The following C8orf34 variants were observed in gnomAD, a reference collection of about 807,000 sequenced individuals.
C8orf34 encodes the protein chromosome 8 open reading frame 34.
Under a neutral mutation model 68.3 loss-of-function variants are expected in C8orf34, and 65 were observed. The ratio of observed to expected loss-of-function variants is 0.95; its 90% CI spans 0.78 to 1.17. The LOEUF is 1.17. Ranked by LOEUF, C8orf34 falls within the 50% of genes most tolerant of loss-of-function variation. The pLI, the probability that C8orf34 is intolerant of heterozygous loss-of-function variation, is 0.00. For missense variants in C8orf34, 664 were observed against 655.4 expected (o/e 1.01, Z -0.14); for synonymous variants, 244 against 241.2 (o/e 1.01, Z -0.11).
chr8:68,678,302 C>G (rs895296545), intron 8 of C8orf34, among the ~76,000 whole-genome samples: 1 of 152,098 alleles, frequency 6.6e-6, no homozygotes, highest in Admixed American at 6.5e-5. Flanking sequence ...CAACTATACA[C>G]CAATATCTCT....
chr8:68,655,724 A>AATAGGT (rs1819492835), intron 8 of C8orf34, among the ~76,000 whole-genome samples: 2 of 152,260 alleles, frequency 1.3e-5, no homozygotes, highest in East Asian at 3.9e-4. Flanking sequence ...ACGATGGGTT[A>AATAGGT]ATAGGTATGT....
chr8:68,722,096 A>G (rs1821693724), intron 10 of C8orf34, among the ~76,000 whole-genome samples: 1 of 152,074 alleles, frequency 6.6e-6, no homozygotes, highest in African/African-American at 2.4e-5. Context: ...TAAATAACAA[A>G]AAGTTATTTT....
chr8:68,769,502 A>G (rs557753552), intron 10 of C8orf34, among the ~76,000 whole-genome samples: 1 of 152,198 alleles, frequency 6.6e-6, no homozygotes, highest in African/African-American at 2.4e-5. Context: ...ATAAAAATAT[A>G]CTTATTCATG....
chr8:68,387,679 A>G (rs59395496), intron 1 of C8orf34, among the ~76,000 whole-genome samples: 2 of 152,062 alleles, frequency 1.3e-5, no homozygotes, highest in African/African-American at 4.8e-5. Context: ...TGAAAAAAAG[A>G]AAAAAACCTC....
chr8:68,520,483 C>G (rs1303759254), intron 5 of C8orf34, among the ~76,000 whole-genome samples: 1 of 152,124 alleles, frequency 6.6e-6, no homozygotes, highest in Non-Finnish European at 1.5e-5. Context: ...CGCAGTCTTG[C>G]TCTGTTGCCC....
intron 8 of C8orf34, among the ~76,000 whole-genome samples, chr8:68,692,206 G>A (rs901430297): frequency 2.6e-5 from 4 of 151,990 alleles, no homozygotes; most frequent in African/African-American, 9.7e-5. Flanking sequence ...GGAACTACAA[G>A]GAGGCAGAGA....
chr8:68,728,640 C>G (rs1013157893), intron 10 of C8orf34, among the ~76,000 whole-genome samples: 2 of 152,150 alleles, frequency 1.3e-5, no homozygotes, highest in Non-Finnish European at 2.9e-5. Flanking sequence ...CTCTGATAAA[C>G]CCATCAGATC....
At chr8:68,676,464 C>T (rs10087916) in intron 8 of C8orf34, among the ~76,000 whole-genome samples, 156 of 152,178 alleles carry the variant, frequency 1.0e-3, no homozygotes, top group African/African-American at 3.6e-3. Context: ...CAGCATTGCA[C>T]AGATCATTCA....
intron 7 of C8orf34, among the ~76,000 whole-genome samples, chr8:68,606,344 AC>A (rs1443679684): frequency 6.6e-6 from 1 of 152,170 alleles, no homozygotes; most frequent in Admixed American, 6.6e-5. Flanking sequence ...AATGTATCCA[AC>A]AAATATTTGT....
chr8:68,656,872 C>G (rs1819524641), intron 8 of C8orf34, among the ~76,000 whole-genome samples: 1 of 152,124 alleles, frequency 6.6e-6, no homozygotes, highest in Admixed American at 6.6e-5. Context: ...TATAATTTAT[C>G]CAGTCAACAT....
chr8:68,595,669 T>A (rs1817527565), intron 7 of C8orf34, among the ~76,000 whole-genome samples: 1 of 152,088 alleles, frequency 6.6e-6, no homozygotes, highest in Admixed American at 6.6e-5. Flanking sequence ...AAATATTGGC[T>A]CCATTTTTTA....
chr8:68,372,318 A>C (rs1378955278), intron 1 of C8orf34, among the ~76,000 whole-genome samples: 1 of 152,208 alleles, frequency 6.6e-6, no homozygotes. Context: ...AACTTCAGGA[A>C]GCAGCTACCC....
chr8:68,693,422 C>A (rs1820739339), intron 8 of C8orf34, among the ~76,000 whole-genome samples: 1 of 152,064 alleles, frequency 6.6e-6, no homozygotes, highest in African/African-American at 2.4e-5. Context: ...GGGACAATTT[C>A]TTTACCTTCC....
At chr8:68,355,181 T>G (rs544497620) in intron 1 of C8orf34, among the ~76,000 whole-genome samples, 1 of 152,246 alleles carries the variant, frequency 6.6e-6, no homozygotes, top group East Asian at 1.9e-4. Flanking sequence ...AGAGAGGGGC[T>G]GAGAAATAAA....
chr8:68,365,009 A>G (rs1807180997), intron 1 of C8orf34, among the ~76,000 whole-genome samples: 1 of 151,558 alleles, frequency 6.6e-6, no homozygotes, highest in South Asian at 2.1e-4. Context: ...CAAGATTAAT[A>G]AAGAAAAAAA....
At chr8:68,812,310 G>A (rs958326326) in intron 12 of C8orf34, among the ~76,000 whole-genome samples, 3 of 152,122 alleles carry the variant, frequency 2.0e-5, no homozygotes, top group African/African-American at 7.2e-5. Context: ...CCCATGGTAA[G>A]CTATTAAAAG....
At chr8:68,774,224 G>A (rs1320853619) in intron 10 of C8orf34, among the ~76,000 whole-genome samples, 2 of 151,448 alleles carry the variant, frequency 1.3e-5, no homozygotes, top group Non-Finnish European at 2.9e-5. Flanking sequence ...AGCCAAATTG[G>A]AACAGCCCAT....
intron 10 of C8orf34, among the ~76,000 whole-genome samples, chr8:68,739,327 C>T (rs1274091948): frequency 6.6e-6 from 1 of 152,004 alleles, no homozygotes; most frequent in Non-Finnish European, 1.5e-5. Context: ...AAACCCACAG[C>T]CAACGTCATA....
At chr8:68,783,838 C>A (rs542982542) in intron 11 of C8orf34, among the ~76,000 whole-genome samples, 1 of 152,268 alleles carries the variant, frequency 6.6e-6, no homozygotes, top group South Asian at 2.1e-4. Flanking sequence ...AAAAAACTTT[C>A]TAAATTAACC....
Sources: gnomAD v4.1 joint callset for allele counts (sites outside exome capture counted in the v4.1 genomes callset) on GRCh38, gnomAD v4.1.1 for gene constraint, MANE v1.5 for transcripts, NCBI Gene and HGNC (gene_info 2026-07-23, HGNC 2026-07-21) for gene names.